INSL6: variants seen among roughly 807,000 people sequenced by gnomAD.
The protein encoded by INSL6 is insulin like 6.
Under a neutral mutation model 9.4 loss-of-function variants are expected in INSL6, and 16 were observed. The ratio of observed to expected loss-of-function variants is 1.70; its 90% CI spans 1.15 to 2.59. The LOEUF (loss-of-function observed/expected upper bound fraction) is 2.59. Ranked by LOEUF, INSL6 falls within the 30% of genes most tolerant of loss-of-function variation. The pLI, the probability that INSL6 is intolerant of heterozygous loss-of-function variation, is 0.00. For missense variants in INSL6, 391 were observed against 257.3 expected (o/e 1.52, Z -3.56); for synonymous variants, 154 against 96.9 (o/e 1.59, Z -3.46).
the INSL6 span, chr9:5,109,077 T>C: frequency 6.6e-6 from 1 of 152,254 alleles, no homozygotes; most frequent in African/African-American, 2.4e-5. Context: ...GGCTTCATTC[T>C]CCTGATCAAA....
At chr9:5,073,125 G>A in the INSL6 span, among the ~76,000 whole-genome samples, 2 of 152,122 alleles carry the variant, frequency 1.3e-5, no homozygotes, top group African/African-American at 4.8e-5. Context: ...AAAGGGTGTT[G>A]GTGTTAGAAG....
chr9:5,155,020 G>A (rs910308201), intron 2 of INSL6, among the ~76,000 whole-genome samples: 1 of 151,890 alleles, frequency 6.6e-6, no homozygotes, highest in Non-Finnish European at 1.5e-5. Flanking sequence ...AAAGACACAT[G>A]CACACGTATG....
the INSL6 span, chr9:5,085,570 C>T: frequency 1.4e-6 from 1 of 690,360 alleles, no homozygotes; most frequent in South Asian, 1.6e-5. Context: ...AGCTGTATTT[C>T]CAGTTTGTGC....
chr9:5,097,671 A>T, the INSL6 span: 1 of 152,220 alleles, frequency 6.6e-6, no homozygotes, highest in Non-Finnish European at 1.5e-5. Context: ...GATCTCCCGC[A>T]ATGTTCTGAG....
the INSL6 span, chr9:5,085,235 C>A: frequency 1.2e-5 from 8 of 671,282 alleles, no homozygotes; most frequent in Non-Finnish European, 1.7e-5. Context: ...GCAAATAGGA[C>A]AGGACCAGTG....
chr9:5,064,357 C>T, the INSL6 span, among the ~76,000 whole-genome samples: 3 of 152,066 alleles, frequency 2.0e-5, no homozygotes, highest in African/African-American at 7.2e-5. Flanking sequence ...TGGCGAGAAC[C>T]TGTCTTTACT....
chr9:5,045,040 C>G, the INSL6 span, among the ~76,000 whole-genome samples: 1 of 152,180 alleles, frequency 6.6e-6, no homozygotes, highest in Non-Finnish European at 1.5e-5. Context: ...TTCACTAATA[C>G]AGTTATGTCA....
the INSL6 span, chr9:5,054,995 G>C: frequency 1.3e-6 from 1 of 754,922 alleles, no homozygotes; most frequent in Middle Eastern, 3.1e-4. The surrounding 1 kb of genome is among the most constrained non-coding windows in gnomAD (Gnocchi z 4.9). Context: ...CCATTTGATA[G>C]AAGTGGAAGT....
chr9:5,095,010 C>G, the INSL6 span: 1 of 152,054 alleles, frequency 6.6e-6, no homozygotes, highest in South Asian at 2.1e-4. Context: ...GCATTCCACC[C>G]CAAACATAGG....
intron 2 of INSL6, among the ~76,000 whole-genome samples, chr9:5,152,259 T>C (rs1824727336): frequency 1.3e-5 from 2 of 152,042 alleles, no homozygotes; most frequent in East Asian, 1.9e-4. Flanking sequence ...GAATATTCCA[T>C]CAAAAAATAG....
chr9:5,023,730 CAA>C, the INSL6 span, among the ~76,000 whole-genome samples: 8 of 152,158 alleles, frequency 5.3e-5, no homozygotes, highest in Non-Finnish European at 8.8e-5. Flanking sequence ...ATAATCTACT[CAA>C]AGTGTGATTA....
chr9:5,181,809 G>C (rs1348308073), intron 1 of INSL6, among the ~76,000 whole-genome samples: 1 of 152,108 alleles, frequency 6.6e-6, no homozygotes, highest in Non-Finnish European at 1.5e-5. Flanking sequence ...AATTTTAAGA[G>C]AAAATCCAAA....
At position 5,126,454 on chromosome 9, in the gene INSL6, T is replaced by C. The variant is rs200047976; in HGVS notation, c.*11-1943A>G. 2.1e-4 allele frequency: 304 copies of C among 1,421,396 alleles called. No individual in the cohort carries two copies. The African/African-American group carries it at 4.0e-3, about 19-fold the overall frequency. 88.0% of individuals were successfully genotyped at this position (1,421,396 alleles called of 1,614,324 possible). On this transcript the variant is annotated intron_variant, in intron 3 of 3. Transcript: ENST00000649639. ...GATGGATGCCCAGATGAGGTAACAA[T>C]TTTTTTTTAATCCAGGGTAGTCATG...
At position 5,185,336 on chromosome 9, in the gene INSL6, G is replaced by A. The variant is rs769826707; in HGVS notation, c.267C>T (p.Ala89=). 30 of 1,613,952 alleles carry A rather than the reference G, an allele frequency of 1.9e-5. No individual in the cohort carries two copies. Among genetic ancestry groups the A allele is most frequent in the Non-Finnish European group, 2.1e-5 (25 of 1,180,000 alleles). Residue 89 remains alanine, a synonymous_variant, in exon 1 of 2, where the codon GCC becomes GCT. Coordinates refer to ENST00000381641, the MANE Select transcript of INSL6 (RefSeq NM_007179.3). ...TACCTGGGTTTGTGCCTCTTCCCCG[G>A]GCCGGGGAAGCGGTTTGCGGGCTTT... is the stretch of plus-strand genomic sequence containing the variant. The part of the protein sequence containing the change: ...QFESPQTASP[A]RGRGTNPVST...
the INSL6 span, chr9:5,078,392 T>C: frequency 6.2e-7 from 1 of 1,613,276 alleles, no homozygotes; most frequent in Non-Finnish European, 8.5e-7. Context: ...GAAATCCTCC[T>C]TTCATCAAAC....
the INSL6 span, among the ~76,000 whole-genome samples, chr9:5,105,389 A>G: frequency 6.6e-6 from 1 of 152,236 alleles, no homozygotes; most frequent in African/African-American, 2.4e-5. Flanking sequence ...GGAAAACTAC[A>G]AACCACTGCT....
chr9:5,029,947 C>G, the INSL6 span: 1 of 1,516,422 alleles, frequency 6.6e-7, no homozygotes. Flanking sequence ...TGCTAAAAGG[C>G]AAAATGGGAG....
chr9:4,996,700 C>G, the INSL6 span, among the ~76,000 whole-genome samples: 2 of 151,756 alleles, frequency 1.3e-5, no homozygotes, highest in African/African-American at 4.8e-5. Context: ...TTGCCTTCAC[C>G]CCTACCCCTC....
the INSL6 span, among the ~76,000 whole-genome samples, chr9:4,997,269 T>C: frequency 4.6e-5 from 7 of 152,122 alleles, no homozygotes; most frequent in South Asian, 2.1e-4. Context: ...AAGAAATACC[T>C]GAGGCTGAGT....
Sources: gnomAD v4.1 joint callset for allele counts (sites outside exome capture counted in the v4.1 genomes callset) on GRCh38, gnomAD v4.1.1 for gene constraint, Gnocchi (gnomAD v3.1) non-coding constraint, MANE v1.5 for transcripts, NCBI Gene and HGNC (gene_info 2026-07-23, HGNC 2026-07-21) for gene names.